The following AKAP7 variants were observed in gnomAD, a reference collection of about 807,000 sequenced individuals.
AKAP7 encodes the protein A-kinase anchoring protein 7.
A neutral mutation model predicts 39.5 loss-of-function variants in AKAP7; 39 were observed. The ratio of observed to expected loss-of-function variants is 0.99; its 90% confidence interval spans 0.76 to 1.29. The LOEUF (loss-of-function observed/expected upper bound fraction) is 1.29. Ranked by LOEUF, AKAP7 falls within the 50% of genes most tolerant of loss-of-function variation. AKAP7 has a pLI of 0.00. For missense variants in AKAP7, 414 were observed against 407.7 expected (o/e 1.02, Z -0.13); for synonymous variants, 140 against 139.1 (o/e 1.01, Z -0.05).
chr6:131,274,386 A>G (rs1341073453), intron 7 of AKAP7, among the ~76,000 whole-genome samples: 18 of 151,926 alleles, frequency 1.2e-4, no homozygotes, highest in Non-Finnish European at 1.2e-4. Flanking sequence ...TCCCTAATTA[A>G]ATTGGTGCCA....
At chr6:131,174,317 T>A (rs1434470666) in intron 5 of AKAP7, among the ~76,000 whole-genome samples, 1 of 152,260 alleles carries the variant, frequency 6.6e-6, no homozygotes, top group Non-Finnish European at 1.5e-5. Flanking sequence ...ATTGGGGACT[T>A]ACTGTGTCAG....
chr6:131,222,561 A>C (rs919006396), intron 7 of AKAP7, among the ~76,000 whole-genome samples: 1 of 152,070 alleles, frequency 6.6e-6, no homozygotes, highest in African/African-American at 2.4e-5. Context: ...TAGCAAGAGA[A>C]CTAAAATTAG....
At chr6:131,273,634 A>G (rs1814487141) in intron 7 of AKAP7, among the ~76,000 whole-genome samples, 1 of 152,146 alleles carries the variant, frequency 6.6e-6, no homozygotes, top group Non-Finnish European at 1.5e-5. Context: ...TGTTGCCATA[A>G]CTTTTATTTC....
chr6:131,165,955 G>A (rs1392908645), intron 4 of AKAP7, among the ~76,000 whole-genome samples: 5 of 152,190 alleles, frequency 3.3e-5, no homozygotes, highest in Admixed American at 3.3e-4. Flanking sequence ...GATGAATGCA[G>A]GTTGCTTTTG....
the AKAP7 span, among the ~76,000 whole-genome samples, chr6:131,128,046 G>A: frequency 1.3e-5 from 2 of 152,054 alleles, no homozygotes; most frequent in African/African-American, 4.8e-5. Context: ...GTGGACGCAG[G>A]GAGAGGATCG....
intron 7 of AKAP7, among the ~76,000 whole-genome samples, chr6:131,241,330 G>T (rs1013032056): frequency 2.0e-5 from 3 of 152,110 alleles, no homozygotes; most frequent in Admixed American, 2.0e-4. Context: ...GTAGGCAGGA[G>T]AATCAATATT....
At chr6:131,242,131 C>G (rs1348047987) in intron 7 of AKAP7, 1 of 984,156 alleles carries the variant, frequency 1.0e-6, no homozygotes, top group African/African-American at 1.7e-5. Flanking sequence ...AACAGTTTGT[C>G]AATTCATGAA....
At chr6:131,132,084 G>A (rs140669521), upstream of AKAP7, among the ~76,000 whole-genome samples, 2,979 of 152,138 alleles carry the variant, frequency 0.02, 81 homozygotes, top group African/African-American at 0.066. Flanking sequence ...AGGCCGAGGC[G>A]GGCGGATCAT....
intron 1 of AKAP7, among the ~76,000 whole-genome samples, 182 bp from the exon 2 acceptor site, chr6:131,145,101 AAT>A (rs1183722442): frequency 1.3e-5 from 2 of 151,934 alleles, no homozygotes; most frequent in Non-Finnish European, 2.9e-5. Context: ...AGTGTACAAA[AAT>A]ATAGAGTGTG....
intron 6 of AKAP7, among the ~76,000 whole-genome samples, chr6:131,201,334 G>C (rs996192640): frequency 3.3e-5 from 5 of 152,182 alleles, no homozygotes; most frequent in Non-Finnish European, 7.3e-5. Context: ...TGGGCACAGA[G>C]TGGTGATCAA....
intron 7 of AKAP7, chr6:131,242,299 C>A: frequency 4.5e-6 from 3 of 673,214 alleles, no homozygotes; most frequent in Non-Finnish European, 5.5e-6. Flanking sequence ...TTGCTAACAA[C>A]TTGGATCATA....
intron 7 of AKAP7, among the ~76,000 whole-genome samples, chr6:131,230,357 G>A (rs1810531199): frequency 6.6e-6 from 1 of 152,094 alleles, no homozygotes; most frequent in South Asian, 2.1e-4. Flanking sequence ...CTAATGTGGA[G>A]CATTTTTTCA....
At chr6:131,215,272 G>A (rs1809045244) in intron 6 of AKAP7, among the ~76,000 whole-genome samples, 1 of 152,216 alleles carries the variant, frequency 6.6e-6, no homozygotes, top group Non-Finnish European at 1.5e-5. Context: ...TCGACCAGGG[G>A]ACCAAAGCAG....
intron 1 of AKAP7, among the ~76,000 whole-genome samples, chr6:131,138,984 C>G (rs2128223243): frequency 1.3e-5 from 2 of 152,256 alleles, no homozygotes; most frequent in East Asian, 1.9e-4. Flanking sequence ...ATGGTTAGAA[C>G]AAATTGTAGG....
intron 2 of AKAP7, 63 bp downstream of exon 2, chr6:131,145,479 A>AT: frequency 1.8e-6 from 2 of 1,124,548 alleles, no homozygotes; most frequent in Non-Finnish European, 2.3e-6. Context: ...AGTTATATAT[A>AT]TATTTTTTTC....
intron 7 of AKAP7, among the ~76,000 whole-genome samples, chr6:131,226,983 C>G (rs1386784012): frequency 6.6e-6 from 1 of 152,006 alleles, no homozygotes; most frequent in Non-Finnish European, 1.5e-5. Context: ...ACAGAAGCAC[C>G]GGACAGCAAA....
At chr6:131,193,808 G>A (rs182309768) in intron 5 of AKAP7, among the ~76,000 whole-genome samples, 1 of 151,928 alleles carries the variant, frequency 6.6e-6, no homozygotes, top group African/African-American at 2.4e-5. Flanking sequence ...ATTTATTTGT[G>A]TCCCCTAGAT....
chr6:131,128,511 T>C, the AKAP7 span, among the ~76,000 whole-genome samples: 1 of 152,182 alleles, frequency 6.6e-6, no homozygotes, highest in Non-Finnish European at 1.5e-5. Flanking sequence ...CACCTCCTTC[T>C]GGGAATTTAT....
chr6:131,241,577 A>ATATATATGTGTG (rs1349874555), intron 7 of AKAP7, among the ~76,000 whole-genome samples: 20 of 81,274 alleles, frequency 2.5e-4, no homozygotes, highest in Non-Finnish European at 2.4e-4. Flanking sequence ...GATTATATAT[A>ATATATATGTGTG]TGTGTGTGTG....
Sources: gnomAD v4.1 joint callset for allele counts (sites outside exome capture counted in the v4.1 genomes callset) on GRCh38, gnomAD v4.1.1 for gene constraint, MANE v1.5 for transcripts, NCBI Gene and HGNC (gene_info 2026-07-23, HGNC 2026-07-21) for gene names.